NIPAL2: variants seen among roughly 807,000 people sequenced by gnomAD.
NIPAL2 encodes the protein NIPA-like protein 2.
NIPAL2 carries 43 observed loss-of-function variants against 48.9 expected under a neutral mutation model. The observed-to-expected ratio is 0.88, with a 90% CI of 0.69 to 1.13. The LOEUF (loss-of-function observed/expected upper bound fraction) is 1.13, where lower values mean the gene tolerates loss of function less well. NIPAL2 is among the 50% of genes most tolerant of loss of function. NIPAL2 has a pLI of 0.00. For missense variants in NIPAL2, 446 were observed against 461.4 expected (o/e 0.97, Z 0.31); for synonymous variants, 167 against 174.6 (o/e 0.96, Z 0.34).
At chr8:98,202,882 A>G (rs192378548) in intron 8 of NIPAL2, among the ~76,000 whole-genome samples, 104 of 152,308 alleles carry the variant, frequency 6.8e-4, no homozygotes, top group Admixed American at 1.6e-3. Flanking sequence ...AGAAATCTCC[A>G]GAGAATGAGA....
chr8:98,264,761 A>G (rs1439464889), intron 1 of NIPAL2, among the ~76,000 whole-genome samples: 1 of 152,108 alleles, frequency 6.6e-6, no homozygotes, highest in East Asian at 1.9e-4. Context: ...GCCTTTCTTC[A>G]TAGAATTGGA....
At position 98,224,461 on chromosome 8, in the gene NIPAL2, A is replaced by G. The variant is rs116006888; in HGVS notation, c.437-1861T>C. On this transcript the variant is annotated intron_variant, in intron 4 of 10. Transcript: ENST00000430223. The stretch of plus-strand genomic sequence containing the variant: ...TGCAGGGTGGCTTCATTCTTTTTAA[A>G]TCTACTGGTATTCTACCTCATGGAG... Among the ~76,000 whole-genome samples, 1,037 of 151,236 alleles carry G rather than the reference A, an allele frequency of 6.9e-3. 14 individuals are homozygous for G. The highest frequency in any genetic ancestry group is 0.023 in the African/African-American group (953 of 41,432).
intron 5 of NIPAL2, among the ~76,000 whole-genome samples, chr8:98,219,574 C>G (rs912880996): frequency 1.3e-5 from 2 of 151,866 alleles, no homozygotes; most frequent in East Asian, 3.9e-4. Flanking sequence ...TTTACTTCCC[C>G]AGACTTCTCC....
In NIPAL2 at chr8:98,249,801, C is replaced by A. The variant is rs551073988; in HGVS notation, c.376+2662G>T. On this transcript the variant is annotated intron_variant, in intron 3 of 10. Transcript: ENST00000430223. ...AATATAATTATATATAATATATAAT[C>A]GAATATATTACACTCAAAGTATACA... 5.4e-5 allele frequency among the ~76,000 whole-genome samples: 8 copies of A among 147,052 alleles called. No individual in the cohort carries two copies. The East Asian group carries it at 1.4e-3, about 25-fold the overall frequency.
intron 1 of NIPAL2, among the ~76,000 whole-genome samples, chr8:98,258,411 G>A (rs577967158): frequency 1.5e-4 from 23 of 152,294 alleles, no homozygotes; most frequent in African/African-American, 5.5e-4. Flanking sequence ...CAAAATTGGT[G>A]GTGAAGTAAG....
intron 1 of NIPAL2, among the ~76,000 whole-genome samples, chr8:98,266,462 C>T (rs1814750239): frequency 1.3e-5 from 2 of 149,628 alleles, no homozygotes; most frequent in African/African-American, 4.9e-5. Context: ...ATTAGCCAGG[C>T]ATAGCAGCGT....
chr8:98,286,517 A>T (rs541456072), intron 1 of NIPAL2, among the ~76,000 whole-genome samples: 1 of 152,254 alleles, frequency 6.6e-6, no homozygotes, highest in East Asian at 1.9e-4. Context: ...ATGGCAAGAT[A>T]CCTTGTTGAG....
At chr8:98,266,244 G>A (rs1484032621) in intron 1 of NIPAL2, among the ~76,000 whole-genome samples, 6 of 147,662 alleles carry the variant, frequency 4.1e-5, no homozygotes, top group Non-Finnish European at 7.4e-5. Context: ...TAACTAACCT[G>A]CACAATGTGC....
chr8:98,289,508 T>C (rs1816377623), intron 1 of NIPAL2, among the ~76,000 whole-genome samples: 1 of 148,054 alleles, frequency 6.8e-6, no homozygotes, highest in African/African-American at 2.6e-5. Flanking sequence ...CTCTTCCTTC[T>C]TCTTGCTTTT....
chr8:98,194,626 G>C (rs1810458839), intron 10 of NIPAL2, 102 bp downstream of exon 10: 1 of 559,634 alleles, frequency 1.8e-6, no homozygotes, highest in Admixed American at 3.9e-5. Flanking sequence ...CATTTTTTAG[G>C]ATAAGAATTA....
intron 4 of NIPAL2, among the ~76,000 whole-genome samples, chr8:98,228,758 C>G (rs1039059641): frequency 6.6e-6 from 1 of 152,086 alleles, no homozygotes; most frequent in Non-Finnish European, 1.5e-5. Flanking sequence ...GATATTATAG[C>G]CTTGGGATGA....
chr8:98,258,329 A>G (rs944142518), intron 1 of NIPAL2, among the ~76,000 whole-genome samples: 37 of 152,224 alleles, frequency 2.4e-4, no homozygotes, highest in Non-Finnish European at 7.3e-5. Flanking sequence ...ATCAATGACA[A>G]TGTGCTTAGT....
chr8:98,287,285 T>C (rs1816233399), intron 1 of NIPAL2, among the ~76,000 whole-genome samples: 1 of 152,184 alleles, frequency 6.6e-6, no homozygotes, highest in African/African-American at 2.4e-5. Context: ...ACGCACCACC[T>C]TTCTAACCTA....
intron 1 of NIPAL2, among the ~76,000 whole-genome samples, chr8:98,257,525 G>A (rs564513964): frequency 1.1e-4 from 16 of 152,046 alleles, no homozygotes; most frequent in East Asian, 7.8e-4. Flanking sequence ...CCTAAGTGCC[G>A]GGATTACGGG....
At chr8:98,277,982 C>T (rs375166289) in intron 1 of NIPAL2, among the ~76,000 whole-genome samples, 3 of 152,150 alleles carry the variant, frequency 2.0e-5, no homozygotes, top group African/African-American at 7.2e-5. Context: ...TTTAGTAGCT[C>T]TTTCAATAAA....
chr8:98,254,630 G>A (rs1276572912), intron 1 of NIPAL2, among the ~76,000 whole-genome samples: 1 of 152,128 alleles, frequency 6.6e-6, no homozygotes, highest in East Asian at 1.9e-4. Context: ...CACTGGAGAT[G>A]GGCTAAATTT....
In NIPAL2 at chr8:98,234,623, C is replaced by T. The variant is rs141965274; in HGVS notation, c.436+1532G>A. 6.4e-3 allele frequency among the ~76,000 whole-genome samples: 976 copies of T among 152,152 alleles called. 13 individuals are homozygous for T. Among genetic ancestry groups the T allele is most frequent in the African/African-American group, 0.022 (894 of 41,512 alleles). ...AGTGCAGTGGTGCAATCTTGGTTCA[C>T]TGCAGCCTCGTCCTCCCAGGCTCAG... On this transcript the variant is annotated intron_variant, in intron 4 of 10. Transcript: ENST00000430223.
At chr8:98,291,586 T>C (rs1409879108) in intron 1 of NIPAL2, among the ~76,000 whole-genome samples, 2 of 152,208 alleles carry the variant, frequency 1.3e-5, no homozygotes, top group Non-Finnish European at 2.9e-5. Context: ...AAGGAAGAGT[T>C]TGGGTTTTGC....
At chr8:98,224,674 G>T (rs927000375) in intron 4 of NIPAL2, among the ~76,000 whole-genome samples, 53 of 151,434 alleles carry the variant, frequency 3.5e-4, no homozygotes, top group Admixed American at 4.6e-4. Context: ...TATTTACAGG[G>T]TATATTTCAC....
Sources: gnomAD v4.1 joint callset for allele counts (sites outside exome capture counted in the v4.1 genomes callset) on GRCh38, gnomAD v4.1.1 for gene constraint, MANE v1.5 for transcripts, NCBI Gene and HGNC (gene_info 2026-07-23, HGNC 2026-07-21) for gene names.